DNAH14: variants seen among roughly 807,000 people sequenced by gnomAD.
DNAH14 encodes dynein axonemal heavy chain 14.
Under a neutral mutation model 520.9 loss-of-function variants are expected in DNAH14, and 478 were observed. The observed-to-expected ratio is 0.92, with a 90% CI of 0.85 to 0.99. The LOEUF (loss-of-function observed/expected upper bound fraction) is 0.99, where lower values mean the gene tolerates loss of function less well. DNAH14 is among the 50% of genes least tolerant of loss of function. DNAH14 has a pLI of 0.00. For synonymous variants in DNAH14, 1,581 were observed against 1,757.2 expected, an observed-to-expected ratio of 0.90 and a Z score of 2.51; for missense variants, 4,831 against 5,234.5, an observed-to-expected ratio of 0.92 and a Z score of 2.38.
At chr1:225,274,194 G>GTTTTTTTTT (rs1193834939) in intron 52 of DNAH14, among the ~76,000 whole-genome samples, 2,126 of 119,842 alleles carry the variant, frequency 0.018, 253 homozygotes, top group East Asian at 0.032. Flanking sequence ...ACCAGCATCT[G>GTTTTTTTTT]TTATTTTTTT....
rs2076923476 is a variant in DNAH14 at position 225,117,080 on chromosome 1, A to C, written c.3868-604A>C. On this transcript the variant is annotated intron_variant, in intron 23 of 85. Coordinates refer to ENST00000682510, the MANE Select transcript of DNAH14 (RefSeq NM_001367479.1). The stretch of plus-strand genomic sequence containing the variant: ...GAGAGATTGAAGTTACAAAAGAGTA[A>C]TAAATAAATCAAGAGTATCTTAGTC... Among the ~76,000 whole-genome samples the C allele has an allele frequency of 2.0e-5, 3 of 152,128 alleles. No homozygotes were observed. In the South Asian group the frequency reaches 6.2e-4, roughly 31 times the overall value.
chr1:225,050,598 GCTACCTCATAA>G (rs1339014573), intron 16 of DNAH14, among the ~76,000 whole-genome samples: 1 of 151,994 alleles, frequency 6.6e-6, no homozygotes, highest in Non-Finnish European at 1.5e-5. Flanking sequence ...CTCTTTTATG[GCTACCTCATAA>G]CGTAGGCTCG....
chr1:225,072,040 G>T (rs867953927), intron 17 of DNAH14, among the ~76,000 whole-genome samples: 1 of 152,118 alleles, frequency 6.6e-6, no homozygotes, highest in African/African-American at 2.4e-5. Flanking sequence ...ATCTTCTCGT[G>T]GATCTTACTA....
At position 225,270,675 on chromosome 1, in the gene DNAH14, G is replaced by A. The variant is rs2093289309; in HGVS notation, c.7540-60G>A. The A allele has an allele frequency of 2.7e-6, 4 of 1,463,658 alleles. No homozygotes were observed. In the Admixed American group the frequency reaches 6.3e-5, roughly 23 times the overall value. 90.7% of individuals were successfully genotyped at this position (1,463,658 alleles called of 1,614,324 possible). A position where few individuals can be genotyped will look rare whatever the true frequency, so the allele number is the denominator to read the frequency against. ...TGTCCAATTTGGGACAGAGACGTAG[G>A]TACATACTTCACTTCCTACAGATAC... On this transcript the variant is annotated intron_variant, in intron 49 of 85. Transcript: ENST00000682510.
chr1:225,003,056 C>T (rs148841051), intron 9 of DNAH14, 129 bp downstream of exon 9: 1 of 818,198 alleles, frequency 1.2e-6, no homozygotes, highest in East Asian at 3.0e-5. Flanking sequence ...TACTACCGTT[C>T]TAAAATATCT....
Position 225,168,118 on chromosome 1 carries a change from C to T in DNAH14, c.5535+90C>T, listed in dbSNP as rs181162052. The T allele has an allele frequency of 4.8e-3, 3,515 of 736,274 alleles. 17 individuals carry two copies. The highest frequency in any genetic ancestry group is 5.6e-3 in the Admixed American group (165 of 29,514). The allele number at this position is 736,274 out of a possible 1,614,324, so 45.6% of individuals were successfully genotyped here. ...GGGCAAAAATAATAATAAAAGAGAG[C>T]TGTTACAGGTATAATTTTTTTTAAT... On this transcript the variant is annotated intron_variant, in intron 36 of 85. Transcript: ENST00000682510.
Position 225,358,667 on chromosome 1 carries a change from A to G in DNAH14, c.11776+15A>G. ...TCAAACTCATGGTAAGCTATTTGTG[A>G]ATAGTTAAGATGATCGATATGGTTT... is the stretch of plus-strand genomic sequence containing the variant. On this transcript the variant is annotated intron_variant, in intron 74 of 85. Transcript: ENST00000682510. 1.9e-6 allele frequency: 3 copies of G among 1,543,614 alleles called. No homozygotes were observed. The highest frequency in any genetic ancestry group is 2.6e-6 in the Non-Finnish European group (3 of 1,144,700).
intron 38 of DNAH14, among the ~76,000 whole-genome samples, chr1:225,197,061 T>A (rs1049164869): frequency 6.6e-6 from 1 of 152,190 alleles, no homozygotes. Context: ...CCCAGCTATT[T>A]ATCTTTGTTT....
intron 43 of DNAH14, among the ~76,000 whole-genome samples, chr1:225,249,774 C>T (rs2092463049): frequency 6.6e-6 from 1 of 152,162 alleles, no homozygotes; most frequent in South Asian, 2.1e-4. Context: ...CCCCAACCAT[C>T]GGCAACAAAT....
chr1:225,174,400 C>A (rs967150945), intron 36 of DNAH14, among the ~76,000 whole-genome samples: 1 of 152,030 alleles, frequency 6.6e-6, no homozygotes, highest in African/African-American at 2.4e-5. Flanking sequence ...TTGTAGAGAT[C>A]TTTCACCTTC....
chr1:225,207,233 C>G lies in DNAH14; in HGVS notation c.6439+13C>G, dbSNP rs2087695759. On this transcript the variant is annotated intron_variant, in intron 41 of 85. Coordinates refer to ENST00000682510, the MANE Select transcript of DNAH14 (RefSeq NM_001367479.1). The stretch of plus-strand genomic sequence containing the variant: ...GGATTTGAACAAAGTGAGTTTTTTT[C>G]TCTAAGTCATATCAATGATATATCT... The G allele has an allele frequency of 1.3e-6, 2 of 1,496,696 alleles. No individual in the cohort carries two copies. Among genetic ancestry groups the G allele is most frequent in the African/African-American group, 2.8e-5 (2 of 70,544 alleles). The allele number at this position is 1,496,696 out of a possible 1,614,324, so 92.7% of individuals were successfully genotyped here.
intron 36 of DNAH14, among the ~76,000 whole-genome samples, chr1:225,182,686 A>C (rs2084184340): frequency 6.6e-6 from 1 of 152,118 alleles, no homozygotes; most frequent in South Asian, 2.1e-4. Flanking sequence ...AAAGTGTGTG[A>C]GACTTTGCAT....
At chr1:225,038,430 T>C (rs576777813) in intron 11 of DNAH14, among the ~76,000 whole-genome samples, 1 of 152,156 alleles carries the variant, frequency 6.6e-6, no homozygotes, top group East Asian at 1.9e-4. Context: ...ATTTTCTGTT[T>C]TTTTTAATAG....
intron 41 of DNAH14, among the ~76,000 whole-genome samples, chr1:225,219,157 A>G (rs1462377490): frequency 6.6e-6 from 1 of 152,218 alleles, no homozygotes; most frequent in Non-Finnish European, 1.5e-5. Flanking sequence ...ACTGGGACAC[A>G]GCTAAAGCAG....
At chr1:225,078,978 G>C (rs1418765168) in intron 17 of DNAH14, among the ~76,000 whole-genome samples, 1 of 151,222 alleles carries the variant, frequency 6.6e-6, no homozygotes, top group Non-Finnish European at 1.5e-5. Flanking sequence ...AGGCCTCCCA[G>C]CCATGCTTCT....
At chr1:225,070,535 T>A (rs1320989380) in intron 17 of DNAH14, among the ~76,000 whole-genome samples, 1 of 152,148 alleles carries the variant, frequency 6.6e-6, no homozygotes, top group African/African-American at 2.4e-5. Flanking sequence ...TTTCTTGGTT[T>A]TGATTGTGGA....
intron 27 of DNAH14, among the ~76,000 whole-genome samples, chr1:225,124,207 G>C (rs2077513846): frequency 6.6e-6 from 1 of 152,188 alleles, no homozygotes; most frequent in African/African-American, 2.4e-5. Context: ...AGATTTTGAT[G>C]GTTGCTGACC....
rs2150379368 is a variant in DNAH14 at position 225,340,399 on chromosome 1, T to C, written c.10434-58T>C. 2.7e-6 allele frequency: 4 copies of C among 1,455,246 alleles called. No individual in the cohort carries two copies. The East Asian group carries it at 1.0e-4, about 37-fold the overall frequency. The allele number at this position is 1,455,246 out of a possible 1,614,324, so 90.1% of individuals were successfully genotyped here. A position where few individuals can be genotyped will look rare whatever the true frequency, so the allele number is the denominator to read the frequency against. The stretch of plus-strand genomic sequence containing the variant: ...ATGCTTTATGTATTTTTAAATAAAT[T>C]GGTTCATTTTTTTCTTCTACATGTT... On this transcript the variant is annotated intron_variant, in intron 68 of 85. Coordinates refer to ENST00000682510, the MANE Select transcript of DNAH14 (RefSeq NM_001367479.1).
At chr1:224,940,713 T>G (rs1167682699) in intron 1 of DNAH14, among the ~76,000 whole-genome samples, 3 of 145,670 alleles carry the variant, frequency 2.1e-5, no homozygotes, top group East Asian at 2.2e-4. Context: ...GATGTTCCCC[T>G]TCCTGTGTCC....
Sources: allele counts gnomAD v4.1 joint callset (sites outside exome capture counted in the v4.1 genomes callset), GRCh38; gene constraint gnomAD v4.1.1; transcripts MANE v1.5; gene names NCBI Gene and HGNC (gene_info 2026-07-23, HGNC 2026-07-21).